Variants in GSE1 observed in about 807,000 individuals in gnomAD.
GSE1 encodes Gse1 coiled-coil protein, also known as genetic suppressor element 1.
Under a neutral mutation model 112.6 loss-of-function variants are expected in GSE1, and 32 were observed. The observed-to-expected ratio is 0.28, with a 90% CI of 0.21 to 0.38. The LOEUF is 0.38. Ranked by LOEUF, GSE1 falls within the 10% of genes least tolerant of loss-of-function variation. The probability of loss-of-function intolerance (pLI) is 1.00; values close to 1 mark genes in which losing one functional copy is unlikely to be tolerated. For missense variants in GSE1, 2,348 were observed against 1,699.2 expected, an observed-to-expected ratio of 1.38 and a Z score of -6.71; for synonymous variants, 1,115 against 735.6, an observed-to-expected ratio of 1.52 and a Z score of -8.35.
rs578165568 is a variant in GSE1 at position 85,428,854 on chromosome 16, G to A, written c.2464+71211G>A. Reference sequence around the variant, plus strand: ...CTGCTTCCAGTAGACAAACGCCTGGGGGGTCCCTGGTGTTGACAGCAGACC... The same window carrying A: ...CTGCTTCCAGTAGACAAACGCCTGGAGGGTCCCTGGTGTTGACAGCAGACC... On this transcript the variant is annotated intron_variant, in intron 2 of 2. Coordinates refer to the GSE1 transcript ENST00000637419. Among the ~76,000 whole-genome samples, 5 of 152,294 alleles carry A rather than the reference G, an allele frequency of 3.3e-5. No homozygotes were observed. In the East Asian group the frequency reaches 9.6e-4, roughly 29 times the overall value.
intron 1 of GSE1, among the ~76,000 whole-genome samples, chr16:85,614,027 G>A (rs1273153048): frequency 6.6e-6 from 1 of 151,818 alleles, no homozygotes; most frequent in Admixed American, 6.5e-5. Context: ...GCGCGCCCCG[G>A]GCTCGGCCGC....
intron 2 of GSE1, among the ~76,000 whole-genome samples, chr16:85,438,816 G>C (rs1459280075): frequency 6.6e-6 from 1 of 152,226 alleles, no homozygotes; most frequent in Non-Finnish European, 1.5e-5. Flanking sequence ...GTGGCTGGCA[G>C]AGCTGGGACC....
At chr16:85,371,205 G>A (rs1209483792) in intron 2 of GSE1, among the ~76,000 whole-genome samples, 3 of 152,218 alleles carry the variant, frequency 2.0e-5, no homozygotes, top group Non-Finnish European at 2.9e-5. Flanking sequence ...CCAGGCCAGG[G>A]CAGGGGGGCC....
chr16:85,260,109 C>G (rs1165286050), intron 1 of GSE1, among the ~76,000 whole-genome samples: 4 of 152,108 alleles, frequency 2.6e-5, no homozygotes, highest in African/African-American at 7.2e-5. Flanking sequence ...CCCTGCGGGG[C>G]ATGGGCAGCC....
At chr16:85,444,343 C>T (rs986632242) in intron 2 of GSE1, among the ~76,000 whole-genome samples, 15 of 152,186 alleles carry the variant, frequency 9.9e-5, no homozygotes, top group African/African-American at 3.6e-4. Context: ...GGGACAGTGT[C>T]TCAAGAGGCT....
In GSE1 at chr16:85,576,940, C is replaced by T. The variant is rs376944020; in HGVS notation, c.37+20577C>T. On this transcript the variant is annotated intron_variant, in intron 1 of 2. Transcript: ENST00000635906. ...GCCTGGTTTACAAGAGCAGGCAGGC[C>T]CTTCCCTGAATGCAGGCCCTGCATG... Among the ~76,000 whole-genome samples the T allele has an allele frequency of 4.6e-5, 7 of 152,158 alleles. No individual in the cohort carries two copies. The South Asian group carries it at 1.2e-3, about 27-fold the overall frequency.
chr16:85,264,102 G>A (rs1042751936), intron 1 of GSE1, among the ~76,000 whole-genome samples: 2 of 152,132 alleles, frequency 1.3e-5, no homozygotes, highest in East Asian at 1.9e-4. Flanking sequence ...GTGGTAGGGC[G>A]CCTTGCAAGG....
chr16:85,665,430 C>G (rs546331082), intron 12 of GSE1, among the ~76,000 whole-genome samples: 28 of 152,328 alleles, frequency 1.8e-4, no homozygotes, highest in Admixed American at 1.8e-3. Flanking sequence ...CACATGGAGG[C>G]CAATCCAATG....
At chr16:85,619,916 C>T (rs1487615882) in intron 1 of GSE1, among the ~76,000 whole-genome samples, 1 of 152,080 alleles carries the variant, frequency 6.6e-6, no homozygotes, top group Non-Finnish European at 1.5e-5. Flanking sequence ...CATGATTTTC[C>T]CACTCCAGCC....
At chr16:85,379,735 T>C (rs1159000759) in intron 2 of GSE1, among the ~76,000 whole-genome samples, 1 of 152,228 alleles carries the variant, frequency 6.6e-6, no homozygotes, top group Non-Finnish European at 1.5e-5. Flanking sequence ...TCAGCCTGGC[T>C]GTGCACTTCC....
At chr16:85,418,212 T>C (rs907254084) in intron 2 of GSE1, among the ~76,000 whole-genome samples, 1 of 152,082 alleles carries the variant, frequency 6.6e-6, no homozygotes, top group Non-Finnish European at 1.5e-5. Flanking sequence ...CGGAGGCAGG[T>C]TGGGGAAATG....
intron 2 of GSE1, among the ~76,000 whole-genome samples, chr16:85,475,541 C>T (rs1004206342): frequency 7.9e-5 from 12 of 152,206 alleles, no homozygotes; most frequent in East Asian, 1.9e-4. Flanking sequence ...TGATTTATCA[C>T]GATGCTGGCT....
chr16:85,251,586 G>A (rs1906489385), intron 1 of GSE1, among the ~76,000 whole-genome samples: 1 of 152,254 alleles, frequency 6.6e-6, no homozygotes, highest in African/African-American at 2.4e-5. Flanking sequence ...GTGACCCTGG[G>A]CAGGGGCTGG....
At chr16:85,607,009 T>C (rs1170346092), upstream of GSE1, among the ~76,000 whole-genome samples, 1 of 150,786 alleles carries the variant, frequency 6.6e-6, no homozygotes, top group African/African-American at 2.4e-5. Flanking sequence ...GTTTCCTTGC[T>C]GTTCAACTTT....
chr16:85,321,266 C>A (rs995389698), intron 1 of GSE1, among the ~76,000 whole-genome samples: 1 of 152,098 alleles, frequency 6.6e-6, no homozygotes, highest in African/African-American at 2.4e-5. Flanking sequence ...CCCAAGGGGT[C>A]CTTGAAGTAA....
At chr16:85,589,577 C>A (rs2046880550) in intron 1 of GSE1, among the ~76,000 whole-genome samples, 1 of 152,144 alleles carries the variant, frequency 6.6e-6, no homozygotes, top group African/African-American at 2.4e-5. Flanking sequence ...ATTTCTGAAG[C>A]ATCGTGCCTG....
intron 9 of GSE1, chr16:85,662,205 C>G (rs1024833219): frequency 1.2e-5 from 2 of 168,712 alleles, no homozygotes; most frequent in Admixed American, 5.9e-5. Flanking sequence ...CTGGCACTGC[C>G]CCGGGTCAGG....
intron 2 of GSE1, among the ~76,000 whole-genome samples, chr16:85,442,649 A>G (rs542603473): frequency 1.3e-5 from 2 of 152,284 alleles, no homozygotes; most frequent in Admixed American, 6.5e-5. Flanking sequence ...TGCTGCTGCA[A>G]ACCCAGAGGG....
At chr16:85,432,242 C>T (rs1410299115) in intron 2 of GSE1, among the ~76,000 whole-genome samples, 1 of 152,230 alleles carries the variant, frequency 6.6e-6, no homozygotes, top group Non-Finnish European at 1.5e-5. Flanking sequence ...ACGGGCACGC[C>T]CAGATGGAGG....
Sources: gnomAD v4.1 joint callset for allele counts (sites outside exome capture counted in the v4.1 genomes callset) on GRCh38, gnomAD v4.1.1 for gene constraint, MANE v1.5 for transcripts, NCBI Gene and HGNC (gene_info 2026-07-23, HGNC 2026-07-21) for gene names.